Variants in HS2ST1 observed in about 807,000 individuals in gnomAD.
The protein encoded by HS2ST1 is 2-O-sulfotransferase.
Under a neutral mutation model 42.9 loss-of-function variants are expected in HS2ST1, and 18 were observed. The ratio of observed to expected loss-of-function variants is 0.42; its 90% CI spans 0.29 to 0.62. The LOEUF is 0.62. Among genes scored for constraint, HS2ST1 ranks in the 20% least tolerant of loss-of-function variants. HS2ST1 has a pLI of 0.21. For missense variants in HS2ST1, 334 were observed against 433.8 expected (o/e 0.77, Z 2.04); for synonymous variants, 146 against 152.9 (o/e 0.95, Z 0.33).
intron 1 of HS2ST1, among the ~76,000 whole-genome samples, chr1:87,066,143 G>GTATTAATAAATACATTA (rs1553141683): frequency 6.6e-6 from 1 of 152,102 alleles, no homozygotes; most frequent in Non-Finnish European, 1.5e-5. Context: ...ATTTTATTCT[G>GTATTAATAAATACATTA]TTAATAAATA....
intron 1 of HS2ST1, among the ~76,000 whole-genome samples, chr1:87,066,301 G>T (rs1651248578): frequency 6.6e-6 from 1 of 152,152 alleles, no homozygotes; most frequent in Non-Finnish European, 1.5e-5. Flanking sequence ...AACTAGAATT[G>T]CCATGGAGCT....
chr1:87,089,801 T>C (rs185026898), intron 3 of HS2ST1, among the ~76,000 whole-genome samples: 25 of 152,024 alleles, frequency 1.6e-4, no homozygotes, highest in African/African-American at 5.5e-4. Flanking sequence ...ATTCCACACA[T>C]AGATAGTCAT....
intron 5 of HS2ST1, 115 bp downstream of exon 5, chr1:87,098,050 A>T (rs994224990): frequency 2.0e-6 from 3 of 1,503,454 alleles, no homozygotes; most frequent in Non-Finnish European, 2.7e-6. Flanking sequence ...GACTAAAAAT[A>T]ACATGTAATT....
intron 1 of HS2ST1, among the ~76,000 whole-genome samples, chr1:86,918,134 C>T (rs1660204726): frequency 6.6e-6 from 1 of 151,932 alleles, no homozygotes; most frequent in Non-Finnish European, 1.5e-5. Flanking sequence ...GATGGTGAGA[C>T]TTCTAATAGA....
chr1:86,953,950 A>G (rs1190832404), intron 1 of HS2ST1, among the ~76,000 whole-genome samples: 1 of 150,868 alleles, frequency 6.6e-6, no homozygotes, highest in Non-Finnish European at 1.5e-5. Flanking sequence ...GAAAACACAC[A>G]ACTTGTATTA....
intron 3 of HS2ST1, among the ~76,000 whole-genome samples, chr1:87,089,574 A>C (rs1349556354): frequency 1.3e-5 from 2 of 152,038 alleles, no homozygotes; most frequent in Non-Finnish European, 2.9e-5. Flanking sequence ...AAAACCAGCA[A>C]ACCTCGTTAG....
chr1:87,045,963 C>G, intron 1 of HS2ST1: 2 of 720,602 alleles, frequency 2.8e-6, no homozygotes, highest in African/African-American at 1.7e-5. Context: ...GCAACCTCAA[C>G]AGTTTTTGTT....
chr1:87,058,746 A>T (rs945395257), intron 1 of HS2ST1, among the ~76,000 whole-genome samples: 12 of 151,758 alleles, frequency 7.9e-5, no homozygotes, highest in Admixed American at 1.3e-4. Context: ...TGCAAGAATT[A>T]GGTGAAGTAA....
intron 3 of HS2ST1, among the ~76,000 whole-genome samples, chr1:87,086,391 G>A (rs149901772): frequency 1.3e-5 from 2 of 152,248 alleles, no homozygotes; most frequent in East Asian, 3.9e-4. Context: ...GTTCAGACTC[G>A]TGTTGTTCAA....
At chr1:87,018,925 A>G (rs1649843187) in intron 1 of HS2ST1, among the ~76,000 whole-genome samples, 1 of 152,234 alleles carries the variant, frequency 6.6e-6, no homozygotes, top group African/African-American at 2.4e-5. Flanking sequence ...TTGGACCTTG[A>G]CTGATATATT....
intron 1 of HS2ST1, among the ~76,000 whole-genome samples, chr1:86,975,723 T>A (rs536561577): frequency 1.3e-5 from 2 of 152,380 alleles, no homozygotes; most frequent in East Asian, 3.9e-4. Flanking sequence ...AATGCTATGA[T>A]ATGCTTTTAA....
chr1:87,058,778 T>C (rs1007300519), intron 1 of HS2ST1, among the ~76,000 whole-genome samples: 1 of 151,570 alleles, frequency 6.6e-6, no homozygotes, highest in Non-Finnish European at 1.5e-5. Context: ...ACATGAACCG[T>C]TGGCTGGGTG....
intron 1 of HS2ST1, among the ~76,000 whole-genome samples, chr1:87,016,057 C>T (rs186759318): frequency 1.8e-3 from 277 of 150,928 alleles, no homozygotes; most frequent in Middle Eastern, 7.0e-3. Context: ...CCTCATGATC[C>T]GCCAACCTCG....
intron 1 of HS2ST1, among the ~76,000 whole-genome samples, chr1:86,950,179 T>C (rs961923851): frequency 1.3e-5 from 2 of 152,356 alleles, no homozygotes; most frequent in South Asian, 2.1e-4. Flanking sequence ...TTCCTTGATA[T>C]GGTGCGCTGA....
Position 86,972,442 on chromosome 1 carries a change from C to G in HS2ST1, c.124+57282C>G, listed in dbSNP as rs575305419. Among the ~76,000 whole-genome samples, 18 of 152,224 alleles carry G rather than the reference C, an allele frequency of 1.2e-4. No homozygotes were observed. The South Asian group carries it at 3.1e-3, about 26-fold the overall frequency. On this transcript the variant is annotated intron_variant, in intron 1 of 6. Transcript: ENST00000370550. ...TCATAGCTCACTGTAGCCTTGAACT[C>G]TAGGGCTCAAGCCATCCTCCTGGCT...
intron 1 of HS2ST1, among the ~76,000 whole-genome samples, chr1:86,969,759 G>T (rs6656617): frequency 0.77 from 114,951 of 149,624 alleles, 44,370 homozygotes; most frequent in East Asian, 0.97. Context: ...TCTTAATTAA[G>T]AGTTGGCTTT....
chr1:86,968,020 G>A (rs916032102), intron 1 of HS2ST1, among the ~76,000 whole-genome samples: 1 of 152,142 alleles, frequency 6.6e-6, no homozygotes, highest in African/African-American at 2.4e-5. Context: ...TCATTGCGGT[G>A]TTAATTTGCA....
At chr1:87,033,960 G>A (rs924192583) in intron 1 of HS2ST1, among the ~76,000 whole-genome samples, 1 of 152,188 alleles carries the variant, frequency 6.6e-6, no homozygotes, top group African/African-American at 2.4e-5. Context: ...ATGAGGGACA[G>A]GAATGGAAAA....
At chr1:86,987,628 T>G (rs903092742) in intron 1 of HS2ST1, among the ~76,000 whole-genome samples, 3 of 152,206 alleles carry the variant, frequency 2.0e-5, no homozygotes, top group African/African-American at 7.2e-5. Context: ...GCCTCTTCCT[T>G]GACCTAAATC....
Sources: gnomAD v4.1 joint callset for allele counts (sites outside exome capture counted in the v4.1 genomes callset) on GRCh38, gnomAD v4.1.1 for gene constraint, MANE v1.5 for transcripts, NCBI Gene and HGNC (gene_info 2026-07-23, HGNC 2026-07-21) for gene names.